The following ENOX1 variants were observed in gnomAD, a reference collection of about 807,000 sequenced individuals.
ENOX1 encodes the protein candidate growth-related and time keeping constitutive hydroquinone (NADH) oxidase.
Under a neutral mutation model 82.5 loss-of-function variants are expected in ENOX1, and 42 were observed. The ratio of observed to expected loss-of-function variants is 0.51; its 90% CI spans 0.40 to 0.66. ENOX1 has a LOEUF of 0.66. Among genes scored for constraint, ENOX1 ranks in the 30% least tolerant of loss-of-function variants. ENOX1 has a pLI of 0.00. For synonymous variants in ENOX1, 271 were observed against 282.2 expected (o/e 0.96, Z 0.40); for missense variants, 608 against 811.6 (o/e 0.75, Z 3.05).
At chr13:43,421,288 T>C (rs1394664338) in intron 3 of ENOX1, among the ~76,000 whole-genome samples, 4 of 152,116 alleles carry the variant, frequency 2.6e-5, no homozygotes, top group Non-Finnish European at 5.9e-5. Flanking sequence ...GTTGAAAAAA[T>C]AGTAAGATGA....
intron 2 of ENOX1, among the ~76,000 whole-genome samples, chr13:43,493,431 G>A (rs1024975723): frequency 6.6e-6 from 1 of 152,190 alleles, no homozygotes; most frequent in Admixed American, 6.5e-5. Context: ...GAGCCTAGGG[G>A]CATTGCTGGT....
At chr13:43,512,037 T>A (rs556876602) in intron 2 of ENOX1, among the ~76,000 whole-genome samples, 8 of 152,272 alleles carry the variant, frequency 5.3e-5, no homozygotes. Flanking sequence ...GGATATTATA[T>A]GTGCATAATC....
chr13:43,739,411 T>C (rs1566857922), intron 1 of ENOX1, among the ~76,000 whole-genome samples: 2 of 151,932 alleles, frequency 1.3e-5, no homozygotes. Context: ...TAGCCGGGCA[T>C]GGTGGCATGC....
intron 1 of ENOX1, among the ~76,000 whole-genome samples, chr13:43,764,874 T>A (rs2153836308): frequency 6.6e-6 from 1 of 152,344 alleles, no homozygotes; most frequent in Non-Finnish European, 1.5e-5. Context: ...TTACTAAAGC[T>A]TTTACATTTG....
rs77492396 is a variant in ENOX1, at chr13:43,502,512, G to A, written c.-218-18360C>T. ...GTGCATTAAAAGGGTCATACACCACGAGCAAATGGGATTTATTCCTGGGAT... is the reference window on the plus strand; with the variant it reads ...GTGCATTAAAAGGGTCATACACCACAAGCAAATGGGATTTATTCCTGGGAT... On this transcript the variant is annotated intron_variant, in intron 2 of 16. Coordinates refer to ENST00000690772, the MANE Select transcript of ENOX1 (RefSeq NM_001347969.2). 2.2e-4 allele frequency among the ~76,000 whole-genome samples: 34 copies of A among 151,728 alleles called. No individual in the cohort carries two copies. The East Asian group carries it at 3.3e-3, about 15-fold the overall frequency.
chr13:43,244,091 A>T (rs773961875), intron 14 of ENOX1, among the ~76,000 whole-genome samples: 10 of 151,174 alleles, frequency 6.6e-5, no homozygotes, highest in Non-Finnish European at 1.2e-4. Flanking sequence ...GTGAGGCAGA[A>T]TGGCCGAATG....
chr13:43,359,844 A>G lies in ENOX1; in HGVS notation c.589+7T>C. The G allele has an allele frequency of 1.9e-6, 3 of 1,613,508 alleles. No homozygotes were observed. The highest frequency in any genetic ancestry group is 2.5e-6 in the Non-Finnish European group (3 of 1,179,446). On this transcript the variant is annotated splice_region_variant and intron_variant, in intron 7 of 16. Coordinates refer to ENST00000690772, the MANE Select transcript of ENOX1 (RefSeq NM_001347969.2). ...GCCTAGAAAACTCCTTATGTAATGC[A>G]AAGTACCAGAAAGGTAAATGGCTTT... is the stretch of plus-strand genomic sequence containing the variant.
intron 2 of ENOX1, among the ~76,000 whole-genome samples, chr13:43,560,636 G>A (rs1012438179): frequency 3.3e-5 from 5 of 152,146 alleles, no homozygotes; most frequent in African/African-American, 9.6e-5. Flanking sequence ...CATCTGTCAT[G>A]TGTACTGCAA....
chr13:43,214,022 G>A lies in ENOX1; in HGVS notation c.1900C>T (p.Leu634=), dbSNP rs703207. 1,362,792 of 1,613,514 alleles carry A rather than the reference G, an allele frequency of 0.84. 579,855 individuals are homozygous for A. Among genetic ancestry groups the A allele is most frequent in the Non-Finnish European group, 0.88 (1,032,321 of 1,179,726 alleles). ...GTTTTAATTCCTTCAAAGGCACACA[G>A]CTTCCATCTTTTTTCCAGCGTGGCT... ...VGATLEKRWK[L]CAFEGIKTT Residue 634 remains leucine (L), a synonymous_variant, in exon 17 of 17, where the codon CTG becomes TTG. Transcript: ENST00000690772.
chr13:43,645,773 G>A (rs1382597410), intron 2 of ENOX1, among the ~76,000 whole-genome samples: 1 of 152,122 alleles, frequency 6.6e-6, no homozygotes, highest in African/African-American at 2.4e-5. Flanking sequence ...AAATTCACTT[G>A]TAAAATTTTA....
chr13:43,596,331 T>C (rs2081472354), intron 2 of ENOX1, among the ~76,000 whole-genome samples: 1 of 152,216 alleles, frequency 6.6e-6, no homozygotes, highest in Non-Finnish European at 1.5e-5. Flanking sequence ...GCCTTCCATT[T>C]TTCACCACTT....
chr13:43,240,804 C>G (rs2042787152), intron 14 of ENOX1, among the ~76,000 whole-genome samples: 1 of 152,236 alleles, frequency 6.6e-6, no homozygotes, highest in African/African-American at 2.4e-5. Context: ...TCTGACAGCT[C>G]TTTTTATGGG....
chr13:43,598,359 G>A (rs556410256), intron 2 of ENOX1, among the ~76,000 whole-genome samples: 1 of 152,234 alleles, frequency 6.6e-6, no homozygotes, highest in South Asian at 2.1e-4. Context: ...CACATCATAG[G>A]AACAAGATAA....
intron 2 of ENOX1, among the ~76,000 whole-genome samples, chr13:43,511,399 T>C (rs557836391): frequency 2.0e-5 from 3 of 152,288 alleles, no homozygotes; most frequent in African/African-American, 4.8e-5. Flanking sequence ...AACTGCACAA[T>C]AGAGTTCATG....
intron 2 of ENOX1, among the ~76,000 whole-genome samples, chr13:43,610,329 G>T (rs190762405): frequency 6.6e-6 from 1 of 152,156 alleles, no homozygotes; most frequent in Admixed American, 6.6e-5. Context: ...ATTCAACTGT[G>T]TATGCTTGTA....
intron 2 of ENOX1, among the ~76,000 whole-genome samples, chr13:43,487,240 G>C (rs1387207535): frequency 6.6e-6 from 1 of 152,070 alleles, no homozygotes; most frequent in African/African-American, 2.4e-5. Flanking sequence ...TGGTATCAGT[G>C]ATGGAAAACG....
intron 10 of ENOX1, among the ~76,000 whole-genome samples, chr13:43,323,548 A>G (rs1246049456): frequency 6.6e-6 from 1 of 152,144 alleles, no homozygotes; most frequent in African/African-American, 2.4e-5. Flanking sequence ...TATTTATATT[A>G]TTATTTTGTA....
At chr13:43,596,147 A>G (rs2081461071) in intron 2 of ENOX1, among the ~76,000 whole-genome samples, 1 of 152,230 alleles carries the variant, frequency 6.6e-6, no homozygotes, top group South Asian at 2.1e-4. Context: ...TAAAAAAATG[A>G]CATTATACAT....
chr13:43,715,682 C>G (rs1183843133), intron 1 of ENOX1, among the ~76,000 whole-genome samples: 2 of 152,118 alleles, frequency 1.3e-5, no homozygotes, highest in Non-Finnish European at 2.9e-5. Flanking sequence ...ATTCTTTTTT[C>G]TCTAAACTTC....
Sources: allele counts gnomAD v4.1 joint callset (sites outside exome capture counted in the v4.1 genomes callset), GRCh38; gene constraint gnomAD v4.1.1; transcripts MANE v1.5; gene names NCBI Gene and HGNC (gene_info 2026-07-23, HGNC 2026-07-21).